Variants in ACOXL observed in about 807,000 individuals in gnomAD.
ACOXL encodes acyl-coenzyme A oxidase-like protein.
A neutral mutation model predicts 71.9 loss-of-function variants in ACOXL; 70 were observed. That is an observed-to-expected ratio of 0.97 (90% CI 0.80 to 1.19). The LOEUF (loss-of-function observed/expected upper bound fraction) is 1.19. ACOXL is among the 50% of genes most tolerant of loss of function. The probability of loss-of-function intolerance (pLI) is 0.00; values close to 1 mark genes in which losing one functional copy is unlikely to be tolerated. For synonymous variants in ACOXL, 253 were observed against 281.6 expected (o/e 0.90, Z 1.02); for missense variants, 703 against 736.3 (o/e 0.95, Z 0.52).
intron 11 of ACOXL, among the ~76,000 whole-genome samples, chr2:110,920,737 T>C (rs1008638904): frequency 6.6e-6 from 1 of 152,104 alleles, no homozygotes; most frequent in Admixed American, 6.5e-5. Flanking sequence ...AGATAGATGA[T>C]GTTTTTCTTG....
intron 9 of ACOXL, among the ~76,000 whole-genome samples, chr2:110,811,730 T>TACACACACACACTC (rs1687346958): frequency 9.8e-6 from 1 of 101,614 alleles, no homozygotes; most frequent in East Asian, 3.1e-4. Context: ...TTTTTTTGCA[T>TACACACACACACTC]ACACACACAC....
At chr2:111,111,782 C>T (rs2069982997) in intron 17 of ACOXL, among the ~76,000 whole-genome samples, 1 of 152,102 alleles carries the variant, frequency 6.6e-6, no homozygotes, top group African/African-American at 2.4e-5. Flanking sequence ...ACTAGAGAAC[C>T]CATGATAATA....
intron 3 of ACOXL, among the ~76,000 whole-genome samples, chr2:110,788,075 G>A (rs772149962): frequency 1.3e-5 from 2 of 152,138 alleles, no homozygotes; most frequent in Non-Finnish European, 2.9e-5. Context: ...AAAACGATAT[G>A]GTTGTTTCTC....
At chr2:111,037,088 A>G (rs1338716643) in intron 15 of ACOXL, among the ~76,000 whole-genome samples, 3 of 152,212 alleles carry the variant, frequency 2.0e-5, no homozygotes, top group Non-Finnish European at 4.4e-5. Context: ...CCAACATGCT[A>G]GTAGCTCTGT....
At chr2:110,785,248 C>G (rs995026322) in intron 3 of ACOXL, among the ~76,000 whole-genome samples, 1 of 151,978 alleles carries the variant, frequency 6.6e-6, no homozygotes, top group Admixed American at 6.6e-5. Context: ...CATGAGAACC[C>G]TTTAGTCATG....
At chr2:110,740,314 G>A (rs1026127522) in intron 1 of ACOXL, among the ~76,000 whole-genome samples, 4 of 152,214 alleles carry the variant, frequency 2.6e-5, no homozygotes, top group African/African-American at 4.8e-5. Flanking sequence ...AATTGTGGGC[G>A]TGTAGAGCCT....
intron 9 of ACOXL, among the ~76,000 whole-genome samples, chr2:110,810,847 C>A (rs1687235158): frequency 6.6e-6 from 1 of 152,204 alleles, no homozygotes; most frequent in South Asian, 2.1e-4. Context: ...TTGACTCAAA[C>A]TTCAGCATGG....
At chr2:110,846,641 G>GCGCACACA (rs148602789) in intron 10 of ACOXL, among the ~76,000 whole-genome samples, 16,703 of 137,996 alleles carry the variant, frequency 0.12, 1,151 homozygotes, top group East Asian at 0.23. Flanking sequence ...ATGCATACAC[G>GCGCACACA]CACACACACA....
chr2:111,049,200 C>A lies in ACOXL; in HGVS notation c.1370-18C>A. 6.3e-7 allele frequency: 1 copy of A among 1,592,952 alleles called. No individual in the cohort carries two copies. Among genetic ancestry groups the A allele is most frequent in the Non-Finnish European group, 8.6e-7 (1 of 1,160,876 alleles). ...GCGGAAGTGAAGTCATTCACAATTT[C>A]CATTTCTTCCCTTCCAGTTACCTTA... On this transcript the variant is annotated intron_variant, in intron 15 of 17. Coordinates refer to ENST00000439055, the MANE Select transcript of ACOXL (RefSeq NM_001142807.4).
chr2:110,857,985 C>T (rs1693470171), intron 10 of ACOXL, among the ~76,000 whole-genome samples: 1 of 152,156 alleles, frequency 6.6e-6, no homozygotes, highest in Non-Finnish European at 1.5e-5. Flanking sequence ...CTCGGCCTCC[C>T]AAAGTGCTGG....
At chr2:110,764,993 G>A (rs1680872400) in intron 1 of ACOXL, among the ~76,000 whole-genome samples, 1 of 151,814 alleles carries the variant, frequency 6.6e-6, no homozygotes, top group Non-Finnish European at 1.5e-5. Context: ...AGATTTTTTT[G>A]GCCTGATAAG....
intron 10 of ACOXL, among the ~76,000 whole-genome samples, chr2:110,865,163 A>G (rs1165613283): frequency 1.3e-5 from 2 of 152,232 alleles, no homozygotes; most frequent in African/African-American, 2.4e-5. Flanking sequence ...AGGTATCAAT[A>G]TCGAAAAGCC....
intron 12 of ACOXL, among the ~76,000 whole-genome samples, chr2:110,944,325 A>T (rs2061013370): frequency 6.6e-6 from 1 of 150,682 alleles, no homozygotes; most frequent in African/African-American, 2.4e-5. Flanking sequence ...AAGTGCTGGG[A>T]GCCACCGTGC....
intron 2 of ACOXL, among the ~76,000 whole-genome samples, chr2:110,777,996 A>G (rs932260441): frequency 6.6e-6 from 1 of 152,238 alleles, no homozygotes; most frequent in African/African-American, 2.4e-5. Flanking sequence ...GGAAGCTCGC[A>G]TTGGGACCAG....
chr2:110,897,207 T>C (rs892707886), intron 10 of ACOXL, among the ~76,000 whole-genome samples: 10 of 152,048 alleles, frequency 6.6e-5, no homozygotes, highest in Non-Finnish European at 1.3e-4. Context: ...ATATCAAAAA[T>C]TGTAGGGCAC....
At chr2:110,891,008 A>T in intron 10 of ACOXL, among the ~76,000 whole-genome samples, 1 of 151,698 alleles carries the variant, frequency 6.6e-6, no homozygotes, top group African/African-American at 2.4e-5. Flanking sequence ...TCTTTTGTTA[A>T]TTTGTTCTGA....
chr2:110,824,556 C>A (rs375417436), intron 9 of ACOXL, among the ~76,000 whole-genome samples: 2 of 151,980 alleles, frequency 1.3e-5, no homozygotes, highest in South Asian at 4.1e-4. Flanking sequence ...ATATTAATGT[C>A]TTTTCAAGCT....
rs922335568 is a variant in ACOXL, at chr2:110,737,264, A to G, written c.-23+4490A>G. On this transcript the variant is annotated intron_variant, in intron 1 of 17. Coordinates refer to ENST00000439055, the MANE Select transcript of ACOXL (RefSeq NM_001142807.4). ...TTTTCCTTGTGGGCCACTACTCTCAATTCTCTTACTTCATTCTCATGTAAT... is the reference window on the plus strand; with the variant it reads ...TTTTCCTTGTGGGCCACTACTCTCAGTTCTCTTACTTCATTCTCATGTAAT... Among the ~76,000 whole-genome samples, 9 of 151,836 alleles carry G rather than the reference A, an allele frequency of 5.9e-5. No homozygotes were observed. The South Asian group carries it at 6.2e-4, about 11-fold the overall frequency.
intron 16 of ACOXL, among the ~76,000 whole-genome samples, chr2:111,056,147 CTA>C (rs1182837296): frequency 6.6e-6 from 1 of 151,292 alleles, no homozygotes; most frequent in Non-Finnish European, 1.5e-5. Flanking sequence ...TGGCAGTGAG[CTA>C]TGTTTATGCC....
Sources: allele counts gnomAD v4.1 joint callset (sites outside exome capture counted in the v4.1 genomes callset), GRCh38; gene constraint gnomAD v4.1.1; transcripts MANE v1.5; gene names NCBI Gene and HGNC (gene_info 2026-07-23, HGNC 2026-07-21).